Variants in SFMBT1 observed in about 807,000 individuals in gnomAD.
SFMBT1 encodes the protein scm-like with four MBT domains protein 1.
Under a neutral mutation model 108.7 loss-of-function variants are expected in SFMBT1, and 32 were observed. That is an observed-to-expected ratio of 0.29 (90% CI 0.22 to 0.40). The LOEUF (loss-of-function observed/expected upper bound fraction) is 0.40. Among genes scored for constraint, SFMBT1 ranks in the 10% least tolerant of loss-of-function variants. SFMBT1 has a pLI of 1.00. For synonymous variants in SFMBT1, 348 were observed against 369.5 expected (o/e 0.94, Z 0.67); for missense variants, 816 against 1,059.6 (o/e 0.77, Z 3.19).
chr3:52,932,838 G>A (rs1482620282), intron 5 of SFMBT1, among the ~76,000 whole-genome samples: 3 of 152,190 alleles, frequency 2.0e-5, no homozygotes, highest in African/African-American at 7.2e-5. Context: ...TTGAACCCAG[G>A]AGGCAGAGGT....
chr3:52,981,345 G>C (rs1704703289), intron 1 of SFMBT1, among the ~76,000 whole-genome samples: 1 of 151,708 alleles, frequency 6.6e-6, no homozygotes. Context: ...AAGGAGAAAG[G>C]ATTTCCACCT....
chr3:52,932,414 T>C (rs561238490), intron 5 of SFMBT1, 106 bp from the exon 6 acceptor site: 1 of 1,147,668 alleles, frequency 8.7e-7, no homozygotes, highest in South Asian at 1.6e-5. Context: ...TTTTTACCCA[T>C]TCAAAAGCCA....
chr3:52,908,762 G>T (rs1369015447), intron 17 of SFMBT1, among the ~76,000 whole-genome samples: 2 of 152,038 alleles, frequency 1.3e-5, no homozygotes, highest in Non-Finnish European at 2.9e-5. Flanking sequence ...CTAGAGACGG[G>T]GTTTCACCAT....
intron 1 of SFMBT1, among the ~76,000 whole-genome samples, chr3:52,992,244 C>T (rs1036015752): frequency 6.6e-6 from 1 of 152,216 alleles, no homozygotes; most frequent in Admixed American, 6.5e-5. Flanking sequence ...GCCTCACCTT[C>T]CTAGTCCCTC....
chr3:53,031,586 T>C (rs993421625), intron 1 of SFMBT1, among the ~76,000 whole-genome samples: 1 of 103,350 alleles, frequency 9.7e-6, no homozygotes, highest in African/African-American at 2.9e-5. Flanking sequence ...GAACTAAAAC[T>C]ATAACACTGT....
At chr3:53,036,604 AC>A (rs1237506334) in intron 1 of SFMBT1, among the ~76,000 whole-genome samples, 1 of 152,366 alleles carries the variant, frequency 6.6e-6, no homozygotes, top group East Asian at 1.9e-4. Context: ...CCAGTGTGGC[AC>A]CCAACTTGGA....
chr3:53,037,906 C>G (rs1475981149), intron 1 of SFMBT1, among the ~76,000 whole-genome samples: 7 of 152,108 alleles, frequency 4.6e-5, no homozygotes, highest in Admixed American at 2.6e-4. Flanking sequence ...GTCAGGGGTT[C>G]AAGACCAGCC....
chr3:52,934,430 CAAAAAA>C (rs34039062), intron 5 of SFMBT1, among the ~76,000 whole-genome samples: 1 of 114,298 alleles, frequency 8.7e-6, no homozygotes, highest in Non-Finnish European at 1.8e-5. Context: ...GTGTTCCAAG[CAAAAAA>C]AAAAAAAAAA....
chr3:53,000,302 T>TA (rs1376760098), intron 1 of SFMBT1, among the ~76,000 whole-genome samples: 1 of 149,160 alleles, frequency 6.7e-6, no homozygotes, highest in South Asian at 2.1e-4. Context: ...TTGAAAGCAT[T>TA]AAAAAAACAG....
At chr3:52,930,796 T>A (rs1702832281) in intron 7 of SFMBT1, 145 bp downstream of exon 7, 2 of 636,588 alleles carry the variant, frequency 3.1e-6, no homozygotes, top group South Asian at 2.0e-5. Context: ...AGGATGATCA[T>A]CAGTCCAGCC....
chr3:53,025,269 C>T (rs1358808484), intron 1 of SFMBT1, among the ~76,000 whole-genome samples: 1 of 152,120 alleles, frequency 6.6e-6, no homozygotes, highest in African/African-American at 2.4e-5. Flanking sequence ...ACTAAGGTAA[C>T]AAAGCCCAGA....
At chr3:52,943,673 T>TA (rs1407028297) in intron 3 of SFMBT1, 80 bp from the exon 4 acceptor site, 1 of 1,572,970 alleles carries the variant, frequency 6.4e-7, no homozygotes, top group East Asian at 2.2e-5. Flanking sequence ...TTTTAAGACT[T>TA]ACAATTCCGA....
At chr3:53,045,241 C>G (rs1026610758) in intron 1 of SFMBT1, 1 of 149,278 alleles carries the variant, frequency 6.7e-6, no homozygotes, top group African/African-American at 2.4e-5. Flanking sequence ...AGACGCTCCG[C>G]CACCGCGCAG....
intron 1 of SFMBT1, among the ~76,000 whole-genome samples, chr3:53,044,715 CTT>C (rs1290082160): frequency 6.6e-6 from 1 of 152,232 alleles, no homozygotes; most frequent in Non-Finnish European, 1.5e-5. Flanking sequence ...TTTCGAATCT[CTT>C]TGATGGTTAC....
chr3:52,997,504 C>A (rs1352069345), intron 1 of SFMBT1, among the ~76,000 whole-genome samples: 1 of 149,256 alleles, frequency 6.7e-6, no homozygotes, highest in Non-Finnish European at 1.5e-5. Flanking sequence ...CCACTGCACT[C>A]CAGCCTGGGT....
chr3:52,931,104 T>C, intron 6 of SFMBT1, 69 bp from the exon 7 acceptor site: 1 of 1,418,144 alleles, frequency 7.1e-7, no homozygotes, highest in Non-Finnish European at 9.9e-7. Context: ...CCTGAAAGCA[T>C]TCACATAAAC....
At chr3:53,018,172 C>A (rs1209145318) in intron 1 of SFMBT1, 1 of 151,964 alleles carries the variant, frequency 6.6e-6, no homozygotes, top group Non-Finnish European at 1.5e-5. Context: ...GTGGAGGTTG[C>A]AGTGAGCCGA....
At chr3:52,968,281 CA>C (rs1265686011) in intron 2 of SFMBT1, among the ~76,000 whole-genome samples, 1 of 152,108 alleles carries the variant, frequency 6.6e-6, no homozygotes, top group Non-Finnish European at 1.5e-5. Context: ...TAGGGAAAGT[CA>C]GGGGAAGGAG....
chr3:53,035,725 T>C (rs564161368), intron 1 of SFMBT1, among the ~76,000 whole-genome samples: 3 of 152,272 alleles, frequency 2.0e-5, no homozygotes, highest in Non-Finnish European at 4.4e-5. Context: ...GCCTCCCCAG[T>C]AGCTGGGATT....
Sources: allele counts gnomAD v4.1 joint callset (sites outside exome capture counted in the v4.1 genomes callset), GRCh38; gene constraint gnomAD v4.1.1; transcripts MANE v1.5; gene names NCBI Gene and HGNC (gene_info 2026-07-23, HGNC 2026-07-21).